The following NUP210 variants were observed in gnomAD, a reference collection of about 807,000 sequenced individuals.
NUP210 encodes nuclear pore membrane glycoprotein 210.
In NUP210, 151 loss-of-function variants were observed where a neutral mutation model predicts 196.0. The ratio of observed to expected loss-of-function variants is 0.77; its 90% CI spans 0.67 to 0.88. NUP210 has a LOEUF of 0.88. Ranked by LOEUF, NUP210 falls within the 40% of genes least tolerant of loss-of-function variation. The pLI is 0.00. For missense variants in NUP210, 2,314 were observed against 2,493.7 expected (o/e 0.93, Z 1.53); for synonymous variants, 1,070 against 1,052.7 (o/e 1.02, Z -0.32).
chr3:13,337,547 T>C (rs1372072535), intron 26 of NUP210, among the ~76,000 whole-genome samples: 1 of 152,228 alleles, frequency 6.6e-6, no homozygotes, highest in African/African-American at 2.4e-5. Context: ...AATGGATTAA[T>C]GTCCAAGACA....
chr3:13,360,327 G>A lies in NUP210; in HGVS notation c.2097C>T (p.Ser699=). 6.2e-7 allele frequency: 1 copy of A among 1,614,232 alleles called. No individual in the cohort carries two copies. The highest frequency in any genetic ancestry group is 8.5e-7 in the Non-Finnish European group (1 of 1,180,046). The change falls in exon 15 of 40, where the codon TCC becomes TCT. Residue 699 remains serine, a synonymous_variant. Coordinates refer to ENST00000254508, the MANE Select transcript of NUP210 (RefSeq NM_024923.4). ...SIGLALFAPH[S]SRNYQQHWIL... ...TCCAGTGTTGCTGATAATTCCGGGA[G>A]GAATGGGGGGCAAAGAGAGCCAGGC...
chr3:13,411,987 C>T (rs1262169580), intron 1 of NUP210, among the ~76,000 whole-genome samples: 1 of 152,156 alleles, frequency 6.6e-6, no homozygotes. Flanking sequence ...AGGTGATCCG[C>T]CCTCCTCGGC....
chr3:13,363,650 A>G (rs1379332097), intron 14 of NUP210, among the ~76,000 whole-genome samples: 1 of 152,212 alleles, frequency 6.6e-6, no homozygotes, highest in Non-Finnish European at 1.5e-5. Context: ...CAATTCCTCT[A>G]TTGGTTAAGT....
At chr3:13,373,596 G>A in intron 12 of NUP210, 122 bp downstream of exon 12, 2 of 928,322 alleles carry the variant, frequency 2.2e-6, no homozygotes, top group Non-Finnish European at 3.3e-6. Flanking sequence ...TGGGGCTTGA[G>A]CTCCTAAGTA....
At chr3:13,335,888 C>A (rs1287653815) in intron 27 of NUP210, among the ~76,000 whole-genome samples, 1 of 152,264 alleles carries the variant, frequency 6.6e-6, no homozygotes, top group Non-Finnish European at 1.5e-5. Flanking sequence ...CCCACGTAAG[C>A]CAGGGGCCTT....
At chr3:13,324,252 C>G (rs1175977443) in intron 33 of NUP210, among the ~76,000 whole-genome samples, 1 of 152,116 alleles carries the variant, frequency 6.6e-6, no homozygotes, top group Non-Finnish European at 1.5e-5. Flanking sequence ...CCCTGTCCAC[C>G]CTCAGAGAGT....
chr3:13,349,444 C>T (rs1418450292), intron 20 of NUP210, among the ~76,000 whole-genome samples: 1 of 152,196 alleles, frequency 6.6e-6, no homozygotes, highest in African/African-American at 2.4e-5. Context: ...GGAGGCTCTG[C>T]CTTGGGTGCG....
intron 16 of NUP210, among the ~76,000 whole-genome samples, chr3:13,356,170 CA>C (rs914053573): frequency 1.4e-4 from 22 of 152,318 alleles, no homozygotes; most frequent in Admixed American, 1.3e-3. Flanking sequence ...CTCAGAGGGC[CA>C]GGGTCAGGCT....
chr3:13,348,426 G>T lies in NUP210; in HGVS notation c.2835+3453C>A. ...TGACAGGTGCAAGGTAAATGTGAAT[G>T]AGAGTGTGCCTCGGTTTCACTGGCA... On this transcript the variant is annotated intron_variant, in intron 20 of 39. Coordinates refer to ENST00000254508, the MANE Select transcript of NUP210 (RefSeq NM_024923.4). The surrounding 1 kb of genome is among the most constrained non-coding windows in gnomAD (Gnocchi z 4.0). 1 of 985,438 alleles carries T rather than the reference G, an allele frequency of 1.0e-6. No homozygotes were observed. Among genetic ancestry groups the T allele is most frequent in the Non-Finnish European group, 1.2e-6 (1 of 829,926 alleles). 61.0% of individuals were successfully genotyped at this position (985,438 alleles called of 1,614,324 possible).
chr3:13,405,109 G>A (rs1441704893), intron 1 of NUP210, among the ~76,000 whole-genome samples: 1 of 152,162 alleles, frequency 6.6e-6, no homozygotes, highest in Non-Finnish European at 1.5e-5. Context: ...ACAGTGACCA[G>A]ATATTTGGTC....
chr3:13,383,955 T>A (rs1417462662), intron 6 of NUP210, among the ~76,000 whole-genome samples: 1 of 151,990 alleles, frequency 6.6e-6, no homozygotes, highest in African/African-American at 2.4e-5. Context: ...TGGGAGACTG[T>A]AAGGCCCTGT....
At position 13,389,019 on chromosome 3, in the gene NUP210, T is replaced by C. The variant is rs138372386; in HGVS notation, c.534-566A>G. The stretch of plus-strand genomic sequence containing the variant: ...GTCGGGGACGTGGTGTAGCCTGGAG[T>C]GTGGGCTGCTGGGCAGGCGGACTTC... On this transcript the variant is annotated intron_variant, in intron 4 of 39. Coordinates refer to ENST00000254508, the MANE Select transcript of NUP210 (RefSeq NM_024923.4). Among the ~76,000 whole-genome samples the C allele has an allele frequency of 2.0e-3, 311 of 152,290 alleles. 3 individuals carry two copies. Among genetic ancestry groups the C allele is most frequent in the African/African-American group, 7.1e-3 (297 of 41,568 alleles).
At chr3:13,325,350 C>A (rs1382200119) in intron 33 of NUP210, among the ~76,000 whole-genome samples, 1 of 152,220 alleles carries the variant, frequency 6.6e-6, no homozygotes, top group Non-Finnish European at 1.5e-5. Flanking sequence ...AAATGAGATG[C>A]ATTTGGATCT....
intron 2 of NUP210, among the ~76,000 whole-genome samples, chr3:13,398,334 T>C (rs1455492423): frequency 2.6e-5 from 4 of 151,984 alleles, no homozygotes; most frequent in African/African-American, 9.7e-5. Context: ...TCCCAGCTAC[T>C]TGGGAGGCTG....
chr3:13,322,328 G>A lies in NUP210; in HGVS notation c.4780C>T (p.Pro1594Ser). The change falls in exon 35 of 40, where the codon CCC (proline) becomes TCC (serine). Residue 1594 changes from proline (P) to serine (S), a missense_variant. Coordinates refer to ENST00000254508, the MANE Select transcript of NUP210 (RefSeq NM_024923.4). The stretch of plus-strand genomic sequence containing the variant: ...GCCTGGATGACTTCCCTCTGGGTGG[G>A]GGTGCACTCGCCTAGAGAGGGGAGA... ...RSSNLRGECT[P>S]TQREVIQALH... The A allele has an allele frequency of 6.2e-7, 1 of 1,614,218 alleles. No homozygotes were observed. Among genetic ancestry groups the A allele is most frequent in the Non-Finnish European group, 8.5e-7 (1 of 1,180,024 alleles).
In NUP210 at chr3:13,363,307, T is replaced by G. The variant is rs139376884; in HGVS notation, c.1932+2639A>C. 1.9e-4 allele frequency among the ~76,000 whole-genome samples: 29 copies of G among 152,334 alleles called. No homozygotes were observed. The East Asian group carries it at 5.0e-3, about 26-fold the overall frequency. On this transcript the variant is annotated intron_variant, in intron 14 of 39. Coordinates refer to ENST00000254508, the MANE Select transcript of NUP210 (RefSeq NM_024923.4). ...GGGTCTGTTCTGACTCTTGATCCCA[T>G]GCTCTTACCCACATCTCATGGCCAC...
At chr3:13,341,700 C>G (rs1466965417) in intron 23 of NUP210, 48 bp downstream of exon 23, 2 of 1,608,324 alleles carry the variant, frequency 1.2e-6, no homozygotes, top group Non-Finnish European at 1.7e-6. Flanking sequence ...CACTCCCAAC[C>G]CCCAGCACTG....
At position 13,410,169 on chromosome 3, in the gene NUP210, A is replaced by AT. The variant is rs570689488; in HGVS notation, c.167+9890dup. On this transcript the variant is annotated intron_variant, in intron 1 of 39. Transcript: ENST00000254508. ...GAGCCACTGTGCCCAGCTATTACTG[A>AT]TTTTTTTTTCCTTTTTCTTTTTCTT... Among the ~76,000 whole-genome samples the AT allele has an allele frequency of 8.1e-4, 117 of 144,426 alleles. No homozygotes were observed. In the South Asian group the frequency reaches 0.021, roughly 26 times the overall value. The allele number at this position is 144,426 out of a possible 152,430, so 94.7% of individuals were successfully genotyped here.
At chr3:13,336,750 G>T in intron 27 of NUP210, 37 bp downstream of exon 27, 1 of 1,603,076 alleles carries the variant, frequency 6.2e-7, no homozygotes, top group South Asian at 1.1e-5. Context: ...CCTGGGACAG[G>T]GGTGGGAGGT....
Sources: gnomAD v4.1 joint callset for allele counts (sites outside exome capture counted in the v4.1 genomes callset) on GRCh38, gnomAD v4.1.1 for gene constraint, Gnocchi (gnomAD v3.1) non-coding constraint, MANE v1.5 for transcripts, NCBI Gene and HGNC (gene_info 2026-07-23, HGNC 2026-07-21) for gene names.